MARCHF1: variants seen among roughly 807,000 people sequenced by gnomAD.
The protein encoded by MARCHF1 is E3 ubiquitin-protein ligase MARCHF1.
Under a neutral mutation model 54.2 loss-of-function variants are expected in MARCHF1, and 40 were observed. The observed-to-expected ratio is 0.74, with a 90% CI of 0.57 to 0.96. The LOEUF (loss-of-function observed/expected upper bound fraction) is 0.96. MARCHF1 is among the 40% of genes least tolerant of loss of function. The pLI is 0.00. For synonymous variants in MARCHF1, 236 were observed against 236.3 expected (o/e 1.00, Z 0.01); for missense variants, 586 against 656.5 (o/e 0.89, Z 1.17).
At chr4:163,590,985 T>G (rs879311697) in intron 7 of MARCHF1, among the ~76,000 whole-genome samples, 2 of 151,878 alleles carry the variant, frequency 1.3e-5, no homozygotes, top group East Asian at 3.9e-4. Flanking sequence ...AATGGGAGAA[T>G]AGTGGTGATA....
Position 163,753,288 on chromosome 4 carries a change from T to A in MARCHF1, c.112-52425A>T, listed in dbSNP as rs892125344. Reference sequence around the variant, plus strand: ...TATTATTATTATTATTTTTGCTTCATGAAGAATATTTTATGAAAAAAGACT... The same window carrying A: ...TATTATTATTATTATTTTTGCTTCAAGAAGAATATTTTATGAAAAAAGACT... On this transcript the variant is annotated intron_variant, in intron 4 of 9. Coordinates refer to ENST00000514618, the MANE Select transcript of MARCHF1 (RefSeq NM_001394959.1). Among the ~76,000 whole-genome samples, 24 of 152,174 alleles carry A rather than the reference T, an allele frequency of 1.6e-4. 1 individual carries two copies. The highest frequency in any genetic ancestry group is 4.4e-5 in the Non-Finnish European group (3 of 67,984).
At chr4:164,278,546 T>G (rs1432448922) in intron 1 of MARCHF1, among the ~76,000 whole-genome samples, 1 of 152,208 alleles carries the variant, frequency 6.6e-6, no homozygotes, top group East Asian at 1.9e-4. Flanking sequence ...ATGCCAGAGC[T>G]GACCTTGAAA....
intron 1 of MARCHF1, among the ~76,000 whole-genome samples, chr4:164,349,123 G>A (rs181243689): frequency 3.0e-3 from 462 of 152,270 alleles, no homozygotes; most frequent in Non-Finnish European, 5.0e-3. Context: ...TACCAGATCT[G>A]TGGAATCCAT....
At chr4:164,018,840 G>T (rs1306998894) in intron 2 of MARCHF1, among the ~76,000 whole-genome samples, 1 of 152,114 alleles carries the variant, frequency 6.6e-6, no homozygotes, top group Non-Finnish European at 1.5e-5. Context: ...CATATGAAGG[G>T]CAAAGTGCTA....
chr4:163,937,295 C>A (rs761396460), intron 3 of MARCHF1, among the ~76,000 whole-genome samples: 2 of 151,898 alleles, frequency 1.3e-5, no homozygotes, highest in Non-Finnish European at 2.9e-5. Flanking sequence ...CTCACATACC[C>A]AAATATATGA....
At chr4:164,199,681 C>CACACACAGAGAGAGAGAGAG (rs1462208986) in intron 1 of MARCHF1, among the ~76,000 whole-genome samples, 1 of 47,640 alleles carries the variant, frequency 2.1e-5, no homozygotes, top group African/African-American at 8.4e-5. Context: ...CACACACACA[C>CACACACAGAGAGAGAGAGAG]AGAGAGAGAG....
At chr4:163,943,090 T>G (rs1751948869) in intron 3 of MARCHF1, among the ~76,000 whole-genome samples, 1 of 152,228 alleles carries the variant, frequency 6.6e-6, no homozygotes, top group Non-Finnish European at 1.5e-5. Flanking sequence ...TGCTGGATAT[T>G]AGACCTTTGT....
intron 1 of MARCHF1, among the ~76,000 whole-genome samples, chr4:164,250,569 T>A (rs28744460): frequency 0.11 from 17,476 of 152,072 alleles, 1,561 homozygotes; most frequent in African/African-American, 0.25. Flanking sequence ...TTAACATCAC[T>A]TATATAATAA....
At position 163,528,956 on chromosome 4, in the gene MARCHF1, A is replaced by G. The variant is rs2110852597; in HGVS notation, c.1430T>C (p.Val477Ala). 4 of 1,613,246 alleles carry G rather than the reference A, an allele frequency of 2.5e-6. No homozygotes were observed. Among genetic ancestry groups the G allele is most frequent in the Non-Finnish European group, 3.4e-6 (4 of 1,179,530 alleles). ...GLVFMYVQCK[V>A]YVQLWRRLKA... ...CAGCCTGCGCCACAACTGAACATAG[A>G]CTTTACACTGTACGTACATGAAGAC... Residue 477 changes from valine (V) to alanine (A), a missense_variant, in exon 10 of 10, where the codon GTC (valine) becomes GCC (alanine). Val to Ala is a moderately conservative substitution (Grantham distance 64). Around this residue, in one of 3 missense-constraint regions of MARCHF1, gnomAD observed 106 missense variants for 93.8 expected, o/e 1.13. Transcript: ENST00000514618.
In MARCHF1 at chr4:163,528,627, A is replaced by T; in HGVS notation, c.*121T>A. The T allele has an allele frequency of 9.8e-7, 1 of 1,020,656 alleles. No homozygotes were observed. Among genetic ancestry groups the T allele is most frequent in the Non-Finnish European group, 1.4e-6 (1 of 708,942 alleles). 63.2% of individuals were successfully genotyped at this position (1,020,656 alleles called of 1,614,324 possible). On this transcript the variant is annotated 3_prime_UTR_variant, in exon 10 of 10. Coordinates refer to ENST00000514618, the MANE Select transcript of MARCHF1 (RefSeq NM_001394959.1). ...TCCTCTTTGAACAAAGTCAGGAAAAATGTGTCAGTAGGAGAAAGGAGGAGC... is the reference window on the plus strand; with the variant it reads ...TCCTCTTTGAACAAAGTCAGGAAAATTGTGTCAGTAGGAGAAAGGAGGAGC...
intron 2 of MARCHF1, among the ~76,000 whole-genome samples, chr4:163,994,524 C>A (rs2110901394): frequency 6.6e-6 from 1 of 151,760 alleles, no homozygotes; most frequent in South Asian, 2.1e-4. Flanking sequence ...ACATATGTAA[C>A]AAACCTGCAT....
chr4:164,103,262 G>T lies in MARCHF1; in HGVS notation c.-248+8326C>A, dbSNP rs1384248772. ...ATTGAACTCAGCTCTGCACCAGGTG[G>T]ACCTAATAGACATCTACAGAACTCT... is the stretch of plus-strand genomic sequence containing the variant. On this transcript the variant is annotated intron_variant, in intron 2 of 9. Coordinates refer to ENST00000514618, the MANE Select transcript of MARCHF1 (RefSeq NM_001394959.1). 3.7e-4 allele frequency among the ~76,000 whole-genome samples: 28 copies of T among 74,950 alleles called. 5 individuals carry two copies. Among genetic ancestry groups the T allele is most frequent in the South Asian group, 2.2e-3 (5 of 2,240 alleles). 49.2% of individuals were successfully genotyped at this position (74,950 alleles called of 152,430 possible). A position where few individuals can be genotyped will look rare whatever the true frequency, so the allele number is the denominator to read the frequency against.
chr4:164,065,088 C>T (rs1754699200), intron 2 of MARCHF1, among the ~76,000 whole-genome samples: 1 of 152,182 alleles, frequency 6.6e-6, no homozygotes, highest in Admixed American at 6.5e-5. Context: ...CAACGTTCAT[C>T]AAGAATACTG....
chr4:163,722,647 T>G (rs1338337119), intron 4 of MARCHF1, among the ~76,000 whole-genome samples: 1 of 152,198 alleles, frequency 6.6e-6, no homozygotes, highest in Non-Finnish European at 1.5e-5. Context: ...CTCCCATTAT[T>G]ATTTTGTGGG....
chr4:163,749,925 C>T (rs962035804), intron 4 of MARCHF1, among the ~76,000 whole-genome samples: 5 of 151,912 alleles, frequency 3.3e-5, no homozygotes, highest in South Asian at 2.1e-4. Context: ...AAAAATTAGC[C>T]GGGCATGGTG....
At chr4:163,991,586 A>G (rs991191665) in intron 2 of MARCHF1, among the ~76,000 whole-genome samples, 136 of 152,322 alleles carry the variant, frequency 8.9e-4, no homozygotes, top group African/African-American at 3.0e-3. Flanking sequence ...TGGAGTCACA[A>G]GGAGCAATGG....
At chr4:164,181,527 T>C (rs909539498) in intron 1 of MARCHF1, among the ~76,000 whole-genome samples, 4 of 152,164 alleles carry the variant, frequency 2.6e-5, no homozygotes, top group Non-Finnish European at 2.9e-5. Context: ...AGTGGCATTC[T>C]AATAAAATTC....
chr4:164,032,086 TC>T (rs1281400813), intron 2 of MARCHF1, among the ~76,000 whole-genome samples: 1 of 152,224 alleles, frequency 6.6e-6, no homozygotes, highest in Non-Finnish European at 1.5e-5. Context: ...CAGAAATTTA[TC>T]CAGTTCTTCT....
intron 3 of MARCHF1, among the ~76,000 whole-genome samples, chr4:163,883,391 C>T (rs1332232223): frequency 2.1e-5 from 3 of 145,918 alleles, no homozygotes; most frequent in East Asian, 2.0e-4. Flanking sequence ...AACAAGGGCT[C>T]ATAATTACTC....
Sources: allele counts gnomAD v4.1 joint callset (sites outside exome capture counted in the v4.1 genomes callset), GRCh38; gene constraint gnomAD v4.1.1; regional missense constraint gnomAD v4.1.1; transcripts MANE v1.5; gene names NCBI Gene and HGNC (gene_info 2026-07-23, HGNC 2026-07-21).